The following NDUFS2 variants were observed in gnomAD, a reference collection of about 807,000 sequenced individuals.
The protein encoded by NDUFS2 is NADH:ubiquinone oxidoreductase core subunit S2.
NDUFS2 carries 38 observed loss-of-function variants against 69.6 expected under a neutral mutation model. The ratio of observed to expected loss-of-function variants is 0.55; its 90% CI spans 0.42 to 0.72. The LOEUF is 0.72. NDUFS2 is among the 30% of genes least tolerant of loss of function. The pLI, the probability that NDUFS2 is intolerant of heterozygous loss-of-function variation, is 0.00. For synonymous variants in NDUFS2, 194 were observed against 211.2 expected, an observed-to-expected ratio of 0.92 and a Z score of 0.70; for missense variants, 468 against 595.0, an observed-to-expected ratio of 0.79 and a Z score of 2.22.
chr1:161,198,561 A>G (rs1364399757), upstream of NDUFS2: 27 of 1,559,512 alleles, frequency 1.7e-5, no homozygotes. The surrounding 1 kb of genome is among the most constrained non-coding windows in gnomAD (Gnocchi z 4.7). Context: ...AGCAGGAGGC[A>G]GGGTTGGGCT....
Position 161,202,449 on chromosome 1 carries a change from G to A in NDUFS2, c.64G>A (p.Ala22Thr), listed in dbSNP as rs779400834. Reference protein sequence around the residue: ...GVAAQVLRPGAGVRLPIQPSR... With the variant: ...GVAAQVLRPGTGVRLPIQPSR... ...CGCGGCCCAGGTGCTGCGGCCTGGG[G>A]CTGGAGTCCGATTGCCGATTCAGCC... Residue 22 changes from alanine to threonine, a missense_variant, in exon 1 of 14, where the codon GCT becomes ACT. By Grantham distance (58) the Ala-to-Thr change is moderately conservative. Coordinates refer to ENST00000676972, the MANE Select transcript of NDUFS2 (RefSeq NM_001377299.1). 1 of 1,612,242 alleles carries A rather than the reference G, an allele frequency of 6.2e-7. No homozygotes were observed. Among genetic ancestry groups the A allele is most frequent in the African/African-American group, 1.3e-5 (1 of 75,044 alleles).
At chr1:161,209,788 G>A (rs1358040786) in intron 5 of NDUFS2, 69 bp from the exon 6 acceptor site, 2 of 1,535,812 alleles carry the variant, frequency 1.3e-6, no homozygotes, top group African/African-American at 2.7e-5. Flanking sequence ...GCAGAAAGTG[G>A]GGGAGTAGGC....
intron 3 of NDUFS2, among the ~76,000 whole-genome samples, chr1:161,208,081 T>C (rs971822668): frequency 1.3e-5 from 2 of 149,118 alleles, no homozygotes; most frequent in African/African-American, 5.0e-5. Flanking sequence ...ACCTCCCAGG[T>C]TCAAGCGAGT....
chr1:161,213,889 G>A lies in NDUFS2; in HGVS notation c.1322G>A (p.Gly441Glu), dbSNP rs989293094. 37 of 1,614,084 alleles carry A rather than the reference G, an allele frequency of 2.3e-5. No individual in the cohort carries two copies. The highest frequency in any genetic ancestry group is 2.9e-5 in the Non-Finnish European group (34 of 1,180,044). Residue 441 changes from glycine to glutamate, a missense_variant, in exon 13 of 14, where the codon GGA becomes GAA. By Grantham distance (98) the Gly-to-Glu change is moderately conservative. Around this residue, in one of 3 missense-constraint regions of NDUFS2, gnomAD observed 72 missense variants for 118.9 expected, o/e 0.61. Transcript: ENST00000676972. ...GCTGGTTTGGACAAGATGTCTAAGG[G>A]ACACATGTTGGCAGATGTCGTTGCC... is the stretch of plus-strand genomic sequence containing the variant. The part of the protein sequence containing the change: ...HLAGLDKMSK[G>E]HMLADVVAII...
chr1:161,209,019 T>G (rs1665625639), intron 3 of NDUFS2, among the ~76,000 whole-genome samples, 174 bp from the exon 4 acceptor site: 1 of 152,224 alleles, frequency 6.6e-6, no homozygotes, highest in Non-Finnish European at 1.5e-5. Flanking sequence ...TTTAAACATT[T>G]ACTAGAATAC....
At chr1:161,204,828 A>G (rs1665367917) in intron 2 of NDUFS2, among the ~76,000 whole-genome samples, 1 of 152,190 alleles carries the variant, frequency 6.6e-6, no homozygotes, top group East Asian at 1.9e-4. Context: ...AGGTGGGCGG[A>G]TCACCTTAGG....
At chr1:161,209,446 T>C in intron 4 of NDUFS2, 37 bp from the exon 5 acceptor site, 1 of 1,610,846 alleles carries the variant, frequency 6.2e-7, no homozygotes. Context: ...GCCTCAGTGC[T>C]TGGCTCCTAT....
At chr1:161,206,359 A>T in intron 2 of NDUFS2, 48 bp from the exon 3 acceptor site, 1 of 1,599,582 alleles carries the variant, frequency 6.3e-7, no homozygotes, top group Non-Finnish European at 8.6e-7. Flanking sequence ...CTTTTGGGGG[A>T]TCCCAAGGGA....
chr1:161,207,181 A>G (rs888503385), intron 3 of NDUFS2, among the ~76,000 whole-genome samples: 20 of 152,184 alleles, frequency 1.3e-4, no homozygotes, highest in African/African-American at 4.8e-4. Context: ...GGATGGTAGG[A>G]TTAGGATTTA....
At chr1:161,200,841 G>C (rs1481665863), upstream of NDUFS2, among the ~76,000 whole-genome samples, 1 of 152,190 alleles carries the variant, frequency 6.6e-6, no homozygotes, top group Non-Finnish European at 1.5e-5. Context: ...AAGACAAAGG[G>C]CTTTAGAGTG....
At position 161,212,447 on chromosome 1, in the gene NDUFS2, C is replaced by T. The variant is rs1199873720; in HGVS notation, c.1083C>T (p.Ala361=). ...MPPGEIKVDD[A]KVSPPKRAEM... Reference sequence around the variant, plus strand: ...CTGGGGAGATCAAGGTTGATGATGCCAAAGTGTCTCCACCTAAGCGAGCAG... The same window carrying T: ...CTGGGGAGATCAAGGTTGATGATGCTAAAGTGTCTCCACCTAAGCGAGCAG... Residue 361 remains alanine, a synonymous_variant, in exon 10 of 14, where the codon GCC becomes GCT. Transcript: ENST00000676972. 2 of 1,613,690 alleles carry T rather than the reference C, an allele frequency of 1.2e-6. No individual in the cohort carries two copies.
rs779387914 is a variant in NDUFS2 at position 161,213,872 on chromosome 1, G to A, written c.1305G>A (p.Leu435=). The A allele has an allele frequency of 6.2e-6, 10 of 1,614,052 alleles. No homozygotes were observed. The highest frequency in any genetic ancestry group is 8.5e-6 in the Non-Finnish European group (10 of 1,180,032). ...KAPGFAHLAG[L]DKMSKGHMLA... ...CATCTCAATCTCCCTAGGCTGGTTT[G>A]GACAAGATGTCTAAGGGACACATGT... The change falls in exon 13 of 14, where the codon TTG becomes TTA. Residue 435 remains leucine (L), a synonymous_variant. Coordinates refer to ENST00000676972, the MANE Select transcript of NDUFS2 (RefSeq NM_001377299.1).
rs368608155 is a variant in NDUFS2, at chr1:161,203,422, T to C, written c.96-15T>C. ...GTTCAGGCCCTTTGTCTAGGATCTG[T>C]CTTTGACTCCCCAGAGGTGTTCGGC... On this transcript the variant is annotated splice_polypyrimidine_tract_variant and intron_variant, in intron 1 of 13. Coordinates refer to ENST00000676972, the MANE Select transcript of NDUFS2 (RefSeq NM_001377299.1). The C allele has an allele frequency of 1.2e-6, 2 of 1,611,562 alleles. No homozygotes were observed. The highest frequency in any genetic ancestry group is 1.7e-6 in the Non-Finnish European group (2 of 1,177,784).
chr1:161,197,603 C>T (rs966694094), upstream of NDUFS2: 5 of 198,652 alleles, frequency 2.5e-5, no homozygotes, highest in African/African-American at 1.2e-4. Context: ...AACCTGACTC[C>T]TATAGCTGGG....
At chr1:161,212,759 ATAT>A (rs1299426861) in intron 10 of NDUFS2, 17 of 366,946 alleles carry the variant, frequency 4.6e-5, no homozygotes, top group Non-Finnish European at 7.4e-5. Flanking sequence ...GGGTTTCACC[ATAT>A]TGGTCAGGGT....
At chr1:161,212,716 C>T (rs1309977285) in intron 10 of NDUFS2, 13 of 411,698 alleles carry the variant, frequency 3.2e-5, no homozygotes, top group Admixed American at 2.9e-4. Context: ...TGTGCCACTA[C>T]GCCCAGCTAA....
upstream of NDUFS2, chr1:161,199,176 A>G (rs936474186): frequency 6.6e-6 from 1 of 152,282 alleles, no homozygotes; most frequent in Non-Finnish European, 1.5e-5. Context: ...TCGCTTCCCA[A>G]AAAAATGGGA....
Position 161,213,926 on chromosome 1 carries a change from G to A in NDUFS2, c.1354+5G>A, listed in dbSNP as rs190184430. The A allele has an allele frequency of 8.2e-4, 1,325 of 1,614,142 alleles. No homozygotes were observed. Among genetic ancestry groups the A allele is most frequent in the Non-Finnish European group, 1.1e-3 (1,255 of 1,180,022 alleles). On this transcript the variant is annotated splice_donor_5th_base_variant and intron_variant, in intron 13 of 13. Transcript: ENST00000676972. ...CAGATGTCGTTGCCATCATAGGTAC[G>A]AGGCCTATTGTGTAGTAGAGGTATC...
upstream of NDUFS2, chr1:161,202,153 C>T: frequency 1.7e-6 from 1 of 584,710 alleles, no homozygotes; most frequent in Non-Finnish European, 3.1e-6. Context: ...CTAGAAAAGC[C>T]AGCCAGGAGC....
Sources: gnomAD v4.1 joint callset for allele counts (sites outside exome capture counted in the v4.1 genomes callset) on GRCh38, gnomAD v4.1.1 for gene constraint, gnomAD v4.1.1 regional missense constraint, Gnocchi (gnomAD v3.1) non-coding constraint, MANE v1.5 for transcripts, NCBI Gene and HGNC (gene_info 2026-07-23, HGNC 2026-07-21) for gene names.